The following COL13A1 variants were observed in gnomAD, a reference collection of about 807,000 sequenced individuals.
COL13A1 encodes collagen alpha-1(XIII) chain.
Under a neutral mutation model 130.9 loss-of-function variants are expected in COL13A1, and 89 were observed. The ratio of observed to expected loss-of-function variants is 0.68; its 90% confidence interval spans 0.57 to 0.81. The LOEUF is 0.81. Ranked by LOEUF, COL13A1 falls within the 30% of genes least tolerant of loss-of-function variation. The pLI is 0.00. For missense variants in COL13A1, 879 were observed against 934.6 expected (o/e 0.94, Z 0.78); for synonymous variants, 402 against 341.6 (o/e 1.18, Z -1.95).
At chr10:69,887,936 C>A (rs34798965) in intron 8 of COL13A1, among the ~76,000 whole-genome samples, 16,031 of 152,126 alleles carry the variant, frequency 0.11, 893 homozygotes, top group Middle Eastern at 0.26. Context: ...ACAGGCAGAG[C>A]AGAGGGAGCA....
At chr10:69,936,160 GGAAGGAAGGAAGGAAGGAAAGGAAA>G in intron 32 of COL13A1, among the ~76,000 whole-genome samples, 1 of 6,948 alleles carries the variant, frequency 1.4e-4, no homozygotes, top group South Asian at 0.024. Context: ...AAGGAAGGAA[GGAAGGAAGGAAGGAAGGAAAGGAAA>G]GGAAGGAAGG....
chr10:69,895,502 C>T (rs371618803), intron 12 of COL13A1, 48 bp from the exon 13 acceptor site: 2 of 1,607,134 alleles, frequency 1.2e-6, no homozygotes, highest in South Asian at 2.2e-5. Flanking sequence ...GAAACAGGTA[C>T]CCCCAACAAG....
intron 34 of COL13A1, 79 bp downstream of exon 34, chr10:69,937,794 A>G: frequency 1.4e-6 from 1 of 727,954 alleles, no homozygotes; most frequent in South Asian, 1.6e-5. Context: ...CAGCCAGCGG[A>G]AAGCTAAGGT....
chr10:69,869,313 G>A (rs1348749273), intron 3 of COL13A1, among the ~76,000 whole-genome samples: 2 of 148,416 alleles, frequency 1.3e-5, no homozygotes, highest in African/African-American at 2.5e-5. Context: ...CAGCTCAGAA[G>A]AGGAGCCCTG....
At chr10:69,871,669 C>G (rs2059084034) in intron 3 of COL13A1, among the ~76,000 whole-genome samples, 1 of 152,190 alleles carries the variant, frequency 6.6e-6, no homozygotes, top group South Asian at 2.1e-4. Flanking sequence ...TTTATGGGAA[C>G]AGTGGGATGT....
rs147070645 is a variant in COL13A1 at position 69,861,053 on chromosome 10, C to G, written c.365-6745C>G. Among the ~76,000 whole-genome samples the G allele has an allele frequency of 2.8e-3, 421 of 152,296 alleles. 2 individuals are homozygous for G. Among genetic ancestry groups the G allele is most frequent in the African/African-American group, 0.01 (417 of 41,564 alleles). On this transcript the variant is annotated intron_variant, in intron 2 of 40. Coordinates refer to ENST00000645393, the MANE Select transcript of COL13A1 (RefSeq NM_001368882.1). Reference sequence around the variant, plus strand: ...AAAGTCTGCTACTTAGGCACACCCTCCTGCGTCCACAGAGAGGAGTAACCC... The same window carrying G: ...AAAGTCTGCTACTTAGGCACACCCTGCTGCGTCCACAGAGAGGAGTAACCC...
Position 69,944,782 on chromosome 10 carries a change from A to T in COL13A1, c.1968+604A>T, listed in dbSNP as rs112941065. On this transcript the variant is annotated intron_variant, in intron 36 of 40. Transcript: ENST00000645393. ...TTTGGCTTCTGGCCACCTTGTGTCC[A>T]TCTCAGGTTCAGTTTGGCAAGGCCC... Among the ~76,000 whole-genome samples the T allele has an allele frequency of 3.3e-5, 5 of 152,296 alleles. No homozygotes were observed. In the East Asian group the frequency reaches 9.6e-4, roughly 29 times the overall value.
chr10:69,817,942 G>C (rs559347333), intron 1 of COL13A1, among the ~76,000 whole-genome samples: 27 of 152,166 alleles, frequency 1.8e-4, no homozygotes, highest in African/African-American at 6.5e-4. Flanking sequence ...TAAACTCTGG[G>C]CAGGCCAAGA....
intron 17 of COL13A1, among the ~76,000 whole-genome samples, chr10:69,911,314 A>G (rs780841150): frequency 2.6e-5 from 4 of 152,200 alleles, no homozygotes; most frequent in Non-Finnish European, 5.9e-5. Flanking sequence ...AATTGTAACT[A>G]CCTTACTGGC....
In COL13A1 at chr10:69,937,642, C is replaced by A. The variant is rs2067109086; in HGVS notation, c.1805C>A (p.Ala602Glu). The A allele has an allele frequency of 6.6e-7, 1 of 1,517,250 alleles. No homozygotes were observed. The highest frequency in any genetic ancestry group is 9.2e-7 in the Non-Finnish European group (1 of 1,091,806). 94.0% of individuals were successfully genotyped at this position (1,517,250 alleles called of 1,614,324 possible). Residue 602 changes from alanine to glutamate, a missense_variant, in exon 34 of 41, where the codon GCA becomes GAA. Transcript: ENST00000645393. ...LQGVPGPKGEAGLDGAKGEKG... is the reference protein window; with the variant it reads ...LQGVPGPKGEEGLDGAKGEKG... The stretch of plus-strand genomic sequence containing the variant: ...CCTCTCCCTTTCCTCCAGGGGGAAG[C>A]AGGACTAGATGGAGCAAAAGGAGAG...
At chr10:69,931,435 TGAGTGTAAACAG>T (rs1262107949) in intron 30 of COL13A1, among the ~76,000 whole-genome samples, 20 of 152,192 alleles carry the variant, frequency 1.3e-4, no homozygotes, top group African/African-American at 4.6e-4. Context: ...CTACTTCATT[TGAGTGTAAACAG>T]GAGTTGCATC....
intron 18 of COL13A1, among the ~76,000 whole-genome samples, chr10:69,917,638 G>A (rs1361394029): frequency 6.6e-6 from 1 of 152,060 alleles, no homozygotes; most frequent in East Asian, 1.9e-4. Flanking sequence ...TTGCTAAGGG[G>A]CACTTTGGGC....
intron 1 of COL13A1, among the ~76,000 whole-genome samples, chr10:69,807,200 C>T (rs1184805871): frequency 2.0e-5 from 3 of 152,082 alleles, no homozygotes; most frequent in African/African-American, 4.8e-5. Flanking sequence ...CAATGCTATG[C>T]GTGTCACCAC....
chr10:69,939,881 G>C (rs1049699546), intron 34 of COL13A1, among the ~76,000 whole-genome samples: 20 of 152,212 alleles, frequency 1.3e-4, no homozygotes, highest in African/African-American at 4.8e-4. Context: ...AGTCCCTGCA[G>C]AGTCCTTCTA....
intron 1 of COL13A1, among the ~76,000 whole-genome samples, chr10:69,818,653 G>A (rs1845238166): frequency 6.6e-6 from 1 of 152,220 alleles, no homozygotes; most frequent in Non-Finnish European, 1.5e-5. Flanking sequence ...AGCCAATGGT[G>A]TAAATTCCAG....
At chr10:69,883,575 T>C (rs1201805949) in intron 7 of COL13A1, among the ~76,000 whole-genome samples, 1 of 152,110 alleles carries the variant, frequency 6.6e-6, no homozygotes, top group Non-Finnish European at 1.5e-5. Flanking sequence ...TCCATGACAA[T>C]GCAGACAGCA....
intron 23 of COL13A1, 27 bp from the exon 24 acceptor site, chr10:69,923,775 T>G: frequency 4.4e-6 from 7 of 1,603,820 alleles, no homozygotes; most frequent in African/African-American, 1.3e-5. Context: ...CAGCATGCCC[T>G]CATCCCAACT....
intron 3 of COL13A1, 64 bp downstream of exon 3, chr10:69,867,869 T>C: frequency 7.0e-6 from 5 of 716,602 alleles, no homozygotes; most frequent in Admixed American, 4.0e-5. Context: ...GGTAACGGGG[T>C]TCTGGGTGGG....
chr10:69,944,286 C>A, intron 36 of COL13A1, 108 bp downstream of exon 36: 1 of 942,024 alleles, frequency 1.1e-6, no homozygotes, highest in Admixed American at 1.8e-5. Context: ...ATCTCTTCTC[C>A]TGGTCATCCT....
Sources: gnomAD v4.1 joint callset for allele counts (sites outside exome capture counted in the v4.1 genomes callset) on GRCh38, gnomAD v4.1.1 for gene constraint, MANE v1.5 for transcripts, NCBI Gene and HGNC (gene_info 2026-07-23, HGNC 2026-07-21) for gene names.